The following CUX1 variants were observed in gnomAD, a reference collection of about 807,000 sequenced individuals.
The protein encoded by CUX1 is protein CASP.
A neutral mutation model predicts 158.8 loss-of-function variants in CUX1; 31 were observed. The observed-to-expected ratio is 0.20, with a 90% CI of 0.15 to 0.26. CUX1 has a LOEUF of 0.26. Ranked by LOEUF, CUX1 falls within the 10% of genes least tolerant of loss-of-function variation. The pLI is 1.00. For synonymous variants in CUX1, 879 were observed against 862.1 expected (o/e 1.02, Z -0.34); for missense variants, 1,589 against 2,014.6 (o/e 0.79, Z 4.04).
intron 14 of CUX1, among the ~76,000 whole-genome samples, chr7:102,267,808 A>G (rs1271015094): frequency 6.6e-6 from 1 of 152,162 alleles, no homozygotes; most frequent in Admixed American, 6.6e-5. Flanking sequence ...CTGGGACCAC[A>G]GGTGCACACC....
chr7:102,053,435 G>T (rs1823764888), intron 3 of CUX1, among the ~76,000 whole-genome samples: 1 of 152,118 alleles, frequency 6.6e-6, no homozygotes, highest in Non-Finnish European at 1.5e-5. Flanking sequence ...TATCCTTTGT[G>T]TTACAAATAA....
At position 102,163,808 on chromosome 7, in the gene CUX1, C is replaced by T. The variant is rs970046597; in HGVS notation, c.723+5200C>T. Among the ~76,000 whole-genome samples the T allele has an allele frequency of 6.6e-5, 10 of 152,232 alleles. 1 individual carries two copies. The highest frequency in any genetic ancestry group is 2.4e-4 in the African/African-American group (10 of 41,542). ...GACCAACACCTTTCCCATCAGGAAA[C>T]CCCCCAGGAGGAGCAATTTACTAGC... On this transcript the variant is annotated intron_variant, in intron 9 of 23. Coordinates refer to ENST00000292535, the MANE Select transcript of CUX1 (RefSeq NM_181552.4).
intron 2 of CUX1, among the ~76,000 whole-genome samples, chr7:101,968,718 C>T (rs1261059724): frequency 1.3e-5 from 2 of 152,138 alleles, no homozygotes; most frequent in Non-Finnish European, 2.9e-5. Flanking sequence ...CCACCATGCC[C>T]GGCCTGAAGA....
At position 101,919,710 on chromosome 7, in the gene CUX1, G is replaced by A. The variant is rs192057112; in HGVS notation, c.141+3485G>A. ...GTTCCACAGGGAGGATTAGGCACCC[G>A]CGAGGGTTCAGTGGGGAGTAAAGTT... On this transcript the variant is annotated intron_variant, in intron 2 of 23. Coordinates refer to ENST00000292535, the MANE Select transcript of CUX1 (RefSeq NM_181552.4). Among the ~76,000 whole-genome samples, 13 of 152,338 alleles carry A rather than the reference G, an allele frequency of 8.5e-5. No homozygotes were observed. The East Asian group carries it at 2.3e-3, about 27-fold the overall frequency.
At chr7:101,959,238 A>AGTGTGTGTGTGTGT (rs55733311) in intron 2 of CUX1, among the ~76,000 whole-genome samples, 2 of 145,706 alleles carry the variant, frequency 1.4e-5, no homozygotes, top group South Asian at 2.3e-4. Flanking sequence ...ATGTGTGTGC[A>AGTGTGTGTGTGTGT]GTGTGTGTGT....
chr7:102,157,652 C>T (rs1223565529), intron 8 of CUX1, among the ~76,000 whole-genome samples: 7 of 152,070 alleles, frequency 4.6e-5, no homozygotes, highest in Non-Finnish European at 7.4e-5. Context: ...TGGTGGTGCA[C>T]GCCTGTAGTC....
chr7:102,198,191 T>C (rs1448384467), intron 15 of CUX1, among the ~76,000 whole-genome samples: 2 of 151,994 alleles, frequency 1.3e-5, no homozygotes, highest in African/African-American at 4.8e-5. Flanking sequence ...GCCCAGGAGG[T>C]GGAGGCTGCA....
chr7:102,231,542 G>T (rs977322597), intron 21 of CUX1, among the ~76,000 whole-genome samples: 1 of 151,986 alleles, frequency 6.6e-6, no homozygotes, highest in Non-Finnish European at 1.5e-5. Context: ...ACATCTAGGA[G>T]TCATACAGAT....
At chr7:101,958,702 A>C (rs552687206) in intron 2 of CUX1, among the ~76,000 whole-genome samples, 1 of 149,276 alleles carries the variant, frequency 6.7e-6, no homozygotes, top group South Asian at 2.1e-4. Context: ...CTGGTCTCAA[A>C]CTCCTGGGCT....
chr7:102,196,523 C>A, intron 14 of CUX1, 111 bp from the exon 15 acceptor site: 1 of 1,049,582 alleles, frequency 9.5e-7, no homozygotes, highest in Non-Finnish European at 1.3e-6. Context: ...AAAAAACCTG[C>A]ACTTTTTTTT....
chr7:102,252,056 G>A lies in CUX1; in HGVS notation c.*3014G>A, dbSNP rs944878189. ...CTTTTTTGCCAGACTTACATCTGGT[G>A]CCAGATACAATCAGTTGGTTAAATT... is the stretch of plus-strand genomic sequence containing the variant. On this transcript the variant is annotated 3_prime_UTR_variant, in exon 24 of 24. Transcript: ENST00000292535. 3.2e-5 allele frequency: 32 copies of A among 985,346 alleles called. No individual in the cohort carries two copies. The African/African-American group carries it at 5.2e-4, about 16-fold the overall frequency. The allele number at this position is 985,346 out of a possible 1,614,324, so 61.0% of individuals were successfully genotyped here. A position where few individuals can be genotyped will look rare whatever the true frequency, so the allele number is the denominator to read the frequency against.
chr7:102,269,113 G>C (rs1791018410), intron 14 of CUX1, among the ~76,000 whole-genome samples: 1 of 90,698 alleles, frequency 1.1e-5, no homozygotes, highest in South Asian at 4.4e-4. Flanking sequence ...TTTTTGTGTG[G>C]GTTTTTTTGT....
At chr7:102,182,602 A>G (rs1272899283) in intron 11 of CUX1, among the ~76,000 whole-genome samples, 2 of 152,236 alleles carry the variant, frequency 1.3e-5, no homozygotes, top group Admixed American at 1.3e-4. Flanking sequence ...ATGGAAACAG[A>G]CGCAAAAGTG....
At chr7:102,222,496 T>C (rs777588313) in intron 20 of CUX1, among the ~76,000 whole-genome samples, 6 of 152,016 alleles carry the variant, frequency 3.9e-5, no homozygotes, top group Admixed American at 2.6e-4. Context: ...CCAGGGACCA[T>C]TGGGAGAATT....
At position 102,253,288 on chromosome 7, in the gene CUX1, CCTT is replaced by C; in HGVS notation, c.*4247_*4249del. The C allele has an allele frequency of 1.0e-6, 1 of 985,632 alleles. No homozygotes were observed. Among genetic ancestry groups the C allele is most frequent in the Non-Finnish European group, 1.2e-6 (1 of 830,068 alleles). The allele number at this position is 985,632 out of a possible 1,614,324, so 61.1% of individuals were successfully genotyped here. On this transcript the variant is annotated 3_prime_UTR_variant, in exon 24 of 24. Transcript: ENST00000292535. ...GCCAGCTCTCATACCCCATCTCCCT[CCTT>C]GGCCAGGGCCAGCATCAGGCGTGCA...
At chr7:101,897,916 C>T (rs1801689466) in intron 1 of CUX1, among the ~76,000 whole-genome samples, 1 of 152,030 alleles carries the variant, frequency 6.6e-6, no homozygotes, top group Admixed American at 6.6e-5. Context: ...AAACCAAAAC[C>T]AAAAAATTCT....
intron 1 of CUX1, among the ~76,000 whole-genome samples, chr7:101,853,243 T>C (rs1187575885): frequency 6.6e-6 from 1 of 152,212 alleles, no homozygotes; most frequent in Non-Finnish European, 1.5e-5. Context: ...ATGTATTTTC[T>C]GCACCCATGA....
intron 2 of CUX1, among the ~76,000 whole-genome samples, chr7:101,921,189 C>T (rs1379513757): frequency 6.6e-6 from 1 of 152,168 alleles, no homozygotes; most frequent in East Asian, 1.9e-4. Context: ...GCAGATACCT[C>T]CCAAAGCCCC....
At chr7:102,178,373 C>T in intron 10 of CUX1, 96 bp from the exon 11 acceptor site, 1 of 1,196,560 alleles carries the variant, frequency 8.4e-7, no homozygotes, top group East Asian at 2.5e-5. Flanking sequence ...CACACACTGA[C>T]ATCTGTGCAG....
Sources: allele counts gnomAD v4.1 joint callset (sites outside exome capture counted in the v4.1 genomes callset), GRCh38; gene constraint gnomAD v4.1.1; transcripts MANE v1.5; gene names NCBI Gene and HGNC (gene_info 2026-07-23, HGNC 2026-07-21).